NRG2: variants seen among roughly 807,000 people sequenced by gnomAD.
NRG2 encodes neuregulin 2.
NRG2 carries 27 observed loss-of-function variants against 73.9 expected under a neutral mutation model. The observed-to-expected ratio is 0.37, with a 90% CI of 0.27 to 0.50. The LOEUF (loss-of-function observed/expected upper bound fraction) is 0.50, where lower values mean the gene tolerates loss of function less well. Ranked by LOEUF, NRG2 falls within the 20% of genes least tolerant of loss-of-function variation. The pLI is 0.96. For missense variants in NRG2, 1,126 were observed against 1,210.1 expected (o/e 0.93, Z 1.03); for synonymous variants, 532 against 541.0 (o/e 0.98, Z 0.23).
Position 139,984,846 on chromosome 5 carries a change from C to A in NRG2, c.700+57524G>T, listed in dbSNP as rs547993149. On this transcript the variant is annotated intron_variant, in intron 1 of 9. Coordinates refer to ENST00000361474, the MANE Select transcript of NRG2 (RefSeq NM_004883.3). ...TGTCCTCAGTCCCATTCTAACACCC[C>A]TTTTGCTTTGTGATATGGCCTCCAC... Among the ~76,000 whole-genome samples, 13 of 152,294 alleles carry A rather than the reference C, an allele frequency of 8.5e-5. No homozygotes were observed. In the South Asian group the frequency reaches 2.5e-3, roughly 29 times the overall value.
intron 4 of NRG2, among the ~76,000 whole-genome samples, chr5:139,867,484 C>T (rs939117576): frequency 2.0e-5 from 3 of 152,128 alleles, no homozygotes; most frequent in Non-Finnish European, 4.4e-5. Flanking sequence ...ATCCCTGGCC[C>T]TCGTCCCTAT....
chr5:139,892,236 G>A (rs1242175682), intron 1 of NRG2, among the ~76,000 whole-genome samples: 2 of 152,184 alleles, frequency 1.3e-5, no homozygotes, highest in Non-Finnish European at 2.9e-5. Context: ...GCACTCCTGG[G>A]CCTAGAGCCC....
chr5:139,954,627 A>T lies in NRG2; in HGVS notation c.701-67116T>A, dbSNP rs1754478207. ...TCAATCCTCACTCCCATGGCTCTCC[A>T]GGCCAAGCCCTCCACCCCAGCGACT... On this transcript the variant is annotated intron_variant, in intron 1 of 9. Coordinates refer to ENST00000361474, the MANE Select transcript of NRG2 (RefSeq NM_004883.3). This position sits in a 1 kb window ranked among gnomAD's most constrained non-coding sequence, Gnocchi z 5.0. Among the ~76,000 whole-genome samples, 3 of 152,214 alleles carry T rather than the reference A, an allele frequency of 2.0e-5. No homozygotes were observed.
chr5:139,919,561 T>C (rs1461697600), intron 1 of NRG2, among the ~76,000 whole-genome samples: 1 of 152,132 alleles, frequency 6.6e-6, no homozygotes, highest in Non-Finnish European at 1.5e-5. Flanking sequence ...CAGGGTTCTC[T>C]GAGCATCTAG....
At chr5:140,039,944 A>G (rs1370706733) in intron 1 of NRG2, among the ~76,000 whole-genome samples, 2 of 152,204 alleles carry the variant, frequency 1.3e-5, no homozygotes, top group Non-Finnish European at 2.9e-5. Flanking sequence ...AAAACAGAAA[A>G]TGAATTTGTT....
In NRG2 at chr5:139,853,042, G is replaced by A; in HGVS notation, c.1293-15C>T. 1 of 1,612,988 alleles carries A rather than the reference G, an allele frequency of 6.2e-7. No individual in the cohort carries two copies. The highest frequency in any genetic ancestry group is 8.5e-7 in the Non-Finnish European group (1 of 1,179,586). On this transcript the variant is annotated splice_polypyrimidine_tract_variant and intron_variant, in intron 6 of 9. Transcript: ENST00000361474. The surrounding 1 kb of genome is among the most constrained non-coding windows in gnomAD (Gnocchi z 4.1). Reference sequence around the variant, plus strand: ...TCCGCTGTTTTCTGCACAAGGGAAGGGAAGGTGAGGCTGGCATTCCCCCCA... The same window carrying A: ...TCCGCTGTTTTCTGCACAAGGGAAGAGAAGGTGAGGCTGGCATTCCCCCCA...
chr5:139,990,260 A>C (rs1400552662), intron 1 of NRG2, among the ~76,000 whole-genome samples: 3 of 151,104 alleles, frequency 2.0e-5, no homozygotes, highest in Non-Finnish European at 4.4e-5. Context: ...ACCAGTTTAC[A>C]TTCCCACTAG....
chr5:140,018,280 G>A lies in NRG2; in HGVS notation c.700+24090C>T, dbSNP rs568793697. On this transcript the variant is annotated intron_variant, in intron 1 of 9. Transcript: ENST00000361474. The stretch of plus-strand genomic sequence containing the variant: ...TGATAGGATCTCTGGGAGATGGCCC[G>A]GCATAACCAGGTCAAATGTGGGGAC... Among the ~76,000 whole-genome samples, 51 of 152,216 alleles carry A rather than the reference G, an allele frequency of 3.4e-4. 1 individual carries two copies. In the East Asian group the frequency reaches 8.7e-3, roughly 26 times the overall value.
intron 3 of NRG2, among the ~76,000 whole-genome samples, chr5:139,878,850 A>G (rs1763351674): frequency 1.3e-5 from 2 of 152,208 alleles, no homozygotes; most frequent in Admixed American, 6.5e-5. Context: ...TGTCATGCCC[A>G]GGCTGGGCCA....
intron 4 of NRG2, among the ~76,000 whole-genome samples, chr5:139,867,399 A>G (rs987448633): frequency 1.3e-5 from 2 of 152,032 alleles, no homozygotes; most frequent in African/African-American, 4.8e-5. Context: ...AAGAGGGTAC[A>G]TGGTCGTCTT....
At chr5:139,885,208 C>A (rs891736629) in intron 2 of NRG2, among the ~76,000 whole-genome samples, 2 of 152,112 alleles carry the variant, frequency 1.3e-5, no homozygotes, top group African/African-American at 4.8e-5. Context: ...TGAAATCACC[C>A]ACAGGCGGAA....
At chr5:140,005,745 C>A (rs1758845532) in intron 1 of NRG2, among the ~76,000 whole-genome samples, 1 of 152,186 alleles carries the variant, frequency 6.6e-6, no homozygotes, top group Non-Finnish European at 1.5e-5. Flanking sequence ...CATGTCTAAG[C>A]TCATGTCAAG....
intron 1 of NRG2, among the ~76,000 whole-genome samples, chr5:139,914,209 T>C (rs1179806119): frequency 6.6e-6 from 1 of 152,120 alleles, no homozygotes; most frequent in African/African-American, 2.4e-5. Flanking sequence ...GTGGATTTCC[T>C]GTAAAAGGAA....
intron 1 of NRG2, among the ~76,000 whole-genome samples, chr5:139,969,783 A>C (rs1561717763): frequency 2.0e-5 from 3 of 152,182 alleles, no homozygotes; most frequent in Non-Finnish European, 4.4e-5. Flanking sequence ...TTTGGCTTAC[A>C]CTGCATTCAC....
intron 1 of NRG2, among the ~76,000 whole-genome samples, chr5:139,917,178 C>T (rs960065127): frequency 3.9e-5 from 6 of 152,108 alleles, no homozygotes; most frequent in African/African-American, 1.4e-4. Context: ...ATTCACATAC[C>T]ATACAATTCA....
chr5:139,915,320 C>T lies in NRG2; in HGVS notation c.701-27809G>A, dbSNP rs1192057101. Among the ~76,000 whole-genome samples, 1 of 152,206 alleles carries T rather than the reference C, an allele frequency of 6.6e-6. No individual in the cohort carries two copies. ...ATGGGGTGATTTCGTGGACACAGTA[C>T]AGAGGACAATGGGATTGGGAGAGCA... On this transcript the variant is annotated intron_variant, in intron 1 of 9. Coordinates refer to ENST00000361474, the MANE Select transcript of NRG2 (RefSeq NM_004883.3). The surrounding 1 kb of genome is among the most constrained non-coding windows in gnomAD (Gnocchi z 4.0).
At chr5:139,974,297 C>G (rs971935870) in intron 1 of NRG2, among the ~76,000 whole-genome samples, 1 of 151,908 alleles carries the variant, frequency 6.6e-6, no homozygotes, top group South Asian at 2.1e-4. Flanking sequence ...CAAGATTTCC[C>G]CCTTTTCCTC....
intron 1 of NRG2, among the ~76,000 whole-genome samples, chr5:139,939,487 C>T (rs1166124206): frequency 6.6e-6 from 1 of 152,032 alleles, no homozygotes; most frequent in Non-Finnish European, 1.5e-5. Flanking sequence ...GTTGCCCAGG[C>T]TGGTCTTGAA....
rs1311484869 is a variant in NRG2 at position 140,008,518 on chromosome 5, C to T, written c.700+33852G>A. 2.6e-5 allele frequency among the ~76,000 whole-genome samples: 4 copies of T among 152,198 alleles called. No homozygotes were observed. The highest frequency in any genetic ancestry group is 5.9e-5 in the Non-Finnish European group (4 of 68,038). Reference sequence around the variant, plus strand: ...AGAGATCCCTTACTCCTTACTAAACCAAGTTTCCCTACAGTGAGCTCATCT... The same window carrying T: ...AGAGATCCCTTACTCCTTACTAAACTAAGTTTCCCTACAGTGAGCTCATCT... On this transcript the variant is annotated intron_variant, in intron 1 of 9. Coordinates refer to ENST00000361474, the MANE Select transcript of NRG2 (RefSeq NM_004883.3). The surrounding 1 kb of genome is among the most constrained non-coding windows in gnomAD (Gnocchi z 4.2).
Sources: allele counts gnomAD v4.1 joint callset (sites outside exome capture counted in the v4.1 genomes callset), GRCh38; gene constraint gnomAD v4.1.1; non-coding constraint Gnocchi (gnomAD v3.1); transcripts MANE v1.5; gene names NCBI Gene and HGNC (gene_info 2026-07-23, HGNC 2026-07-21).